The following ARMH3 variants were observed in gnomAD, a reference collection of about 807,000 sequenced individuals.
The protein encoded by ARMH3 is armadillo like helical domain containing 3.
A neutral mutation model predicts 99.1 loss-of-function variants in ARMH3; 60 were observed. That is an observed-to-expected ratio of 0.61 (90% confidence interval 0.49 to 0.75). The LOEUF is 0.75. Among genes scored for constraint, ARMH3 ranks in the 30% least tolerant of loss-of-function variants. ARMH3 has a pLI of 0.00. For missense variants in ARMH3, 679 were observed against 843.1 expected (o/e 0.81, Z 2.41); for synonymous variants, 285 against 292.8 (o/e 0.97, Z 0.27).
chr10:101,902,298 A>G (rs2068000997), intron 23 of ARMH3, among the ~76,000 whole-genome samples: 1 of 152,152 alleles, frequency 6.6e-6, no homozygotes, highest in African/African-American at 2.4e-5. Context: ...GACAAATTCA[A>G]AAAATCATAT....
intron 20 of ARMH3, among the ~76,000 whole-genome samples, chr10:101,958,690 C>T (rs1298767989): frequency 6.6e-6 from 1 of 152,098 alleles, no homozygotes; most frequent in East Asian, 1.9e-4. Context: ...AAGGCTTGAC[C>T]TCTCTTTTTC....
At chr10:101,970,841 G>A (rs897264310) in intron 20 of ARMH3, among the ~76,000 whole-genome samples, 5 of 151,500 alleles carry the variant, frequency 3.3e-5, no homozygotes. Context: ...TAGCCAAGCA[G>A]TCTGCTGGAG....
rs757446410 is a variant in ARMH3 at position 101,956,624 on chromosome 10, G to A, written c.1678C>T (p.Gln560Ter). 1 of 1,613,606 alleles carries A rather than the reference G, an allele frequency of 6.2e-7. No individual in the cohort carries two copies. The highest frequency in any genetic ancestry group is 8.5e-7 in the Non-Finnish European group (1 of 1,179,584). Residue 560 changes from glutamine (Q) to a stop codon, truncating the protein, a stop_gained, in exon 22 of 26, where the codon CAG becomes TAG. Transcript: ENST00000370033. LOFTEE classifies it high-confidence loss of function. ...ATGGAGTAGAGGTTGTCAAAGCTCT[G>A]GTGCATGCGGATAATCTCATAGTAA... ...ELYYEIIRMH[Q>*]SFDNLYSMVL... is the part of the protein sequence containing the mutation.
chr10:101,850,995 T>C (rs1257159704), intron 24 of ARMH3, among the ~76,000 whole-genome samples: 1 of 152,214 alleles, frequency 6.6e-6, no homozygotes, highest in Admixed American at 6.5e-5. Context: ...TCTTGGGATG[T>C]TCCTCAGCAC....
chr10:101,922,766 A>G (rs1392698968), intron 23 of ARMH3, among the ~76,000 whole-genome samples: 1 of 152,198 alleles, frequency 6.6e-6, no homozygotes, highest in Admixed American at 6.5e-5. Context: ...AAGTACATTC[A>G]AAACTGGTCA....
intron 2 of ARMH3, among the ~76,000 whole-genome samples, chr10:102,035,359 A>G (rs996994260): frequency 3.9e-5 from 6 of 151,912 alleles, no homozygotes; most frequent in Non-Finnish European, 7.4e-5. Context: ...AGCGAGACTC[A>G]GTCTCAAAAA....
At chr10:101,987,959 T>C (rs887829302) in intron 19 of ARMH3, among the ~76,000 whole-genome samples, 5 of 152,238 alleles carry the variant, frequency 3.3e-5, no homozygotes, top group African/African-American at 1.2e-4. Flanking sequence ...AGAAAAGCTG[T>C]GCCACGTTAA....
chr10:101,980,600 G>C (rs976866157), intron 19 of ARMH3, among the ~76,000 whole-genome samples: 1 of 152,012 alleles, frequency 6.6e-6, no homozygotes, highest in Non-Finnish European at 1.5e-5. Flanking sequence ...TGCCCAGCCT[G>C]AGACTCTTTC....
At chr10:101,962,860 A>G (rs1845357165) in intron 20 of ARMH3, among the ~76,000 whole-genome samples, 1 of 152,178 alleles carries the variant, frequency 6.6e-6, no homozygotes, top group Non-Finnish European at 1.5e-5. Flanking sequence ...GCCAATATCT[A>G]TATTTGCCAC....
intron 1 of ARMH3, among the ~76,000 whole-genome samples, chr10:102,047,194 T>A (rs567613009): frequency 4.6e-5 from 7 of 152,320 alleles, no homozygotes; most frequent in African/African-American, 7.2e-5. Flanking sequence ...GATTTTTTTT[T>A]AAACTCTCCC....
chr10:101,960,764 C>G (rs536831973), intron 20 of ARMH3, among the ~76,000 whole-genome samples: 1 of 151,960 alleles, frequency 6.6e-6, no homozygotes, highest in East Asian at 1.9e-4. Context: ...GTGGCGGGCA[C>G]CTGTAATCCC....
chr10:102,019,264 G>A (rs1365392719), intron 8 of ARMH3, among the ~76,000 whole-genome samples: 6 of 152,050 alleles, frequency 3.9e-5, no homozygotes, highest in Non-Finnish European at 7.4e-5. Flanking sequence ...GGCCAGGCTG[G>A]TCTCAAACTC....
intron 11 of ARMH3, among the ~76,000 whole-genome samples, chr10:102,011,334 C>A (rs1227501570): frequency 6.6e-6 from 1 of 152,074 alleles, no homozygotes; most frequent in Non-Finnish European, 1.5e-5. Flanking sequence ...CCTACTATAC[C>A]GTGTTCCACA....
chr10:101,852,694 C>A (rs927912450), intron 24 of ARMH3, among the ~76,000 whole-genome samples: 3 of 151,740 alleles, frequency 2.0e-5, no homozygotes, highest in Admixed American at 2.0e-4. Context: ...GGATGCCATG[C>A]CATGAGCTGT....
chr10:101,958,571 C>T (rs1845145589), intron 20 of ARMH3, among the ~76,000 whole-genome samples: 1 of 152,154 alleles, frequency 6.6e-6, no homozygotes, highest in South Asian at 2.1e-4. Flanking sequence ...GCCCCTGTAC[C>T]TACCTCCCCT....
At chr10:101,936,574 A>G (rs1843987945) in intron 23 of ARMH3, among the ~76,000 whole-genome samples, 1 of 151,552 alleles carries the variant, frequency 6.6e-6, no homozygotes, top group African/African-American at 2.4e-5. Context: ...AAAATGCTAA[A>G]CCTAAAAAAA....
Position 102,023,607 on chromosome 10 carries a change from T to C in ARMH3, c.583-44A>G, listed in dbSNP as rs546438495. ...ATGCATGAGACTGCTAACTCCTGGTTCCTGAGAACACAGAGAAAATTTGAA... is the reference window on the plus strand; with the variant it reads ...ATGCATGAGACTGCTAACTCCTGGTCCCTGAGAACACAGAGAAAATTTGAA... On this transcript the variant is annotated intron_variant, in intron 7 of 25. Coordinates refer to ENST00000370033, the MANE Select transcript of ARMH3 (RefSeq NM_024541.3). 1.6e-5 allele frequency: 26 copies of C among 1,610,322 alleles called. No individual in the cohort carries two copies. The African/African-American group carries it at 2.7e-4, about 17-fold the overall frequency.
intron 23 of ARMH3, among the ~76,000 whole-genome samples, chr10:101,909,447 A>T (rs1590002167): frequency 1.5e-5 from 2 of 132,138 alleles, no homozygotes; most frequent in Admixed American, 7.5e-5. Flanking sequence ...AGAGGAAGGT[A>T]TGTTGCAAGC....
At chr10:101,864,556 T>A (rs985145811) in intron 24 of ARMH3, among the ~76,000 whole-genome samples, 1 of 152,206 alleles carries the variant, frequency 6.6e-6, no homozygotes, top group African/African-American at 2.4e-5. Flanking sequence ...TGGAATCCTA[T>A]GCAGCCATAA....
Sources: gnomAD v4.1 joint callset for allele counts (sites outside exome capture counted in the v4.1 genomes callset) on GRCh38, gnomAD v4.1.1 for gene constraint, MANE v1.5 for transcripts, NCBI Gene and HGNC (gene_info 2026-07-23, HGNC 2026-07-21) for gene names.